The following CHD1L variants were observed in gnomAD, a reference collection of about 807,000 sequenced individuals.
CHD1L encodes the protein ATP-dependent chromatin remodeler CHD1L.
In CHD1L, 118 loss-of-function variants were observed where a neutral mutation model predicts 115.9. That is an observed-to-expected ratio of 1.02 (90% CI 0.88 to 1.19). The LOEUF (loss-of-function observed/expected upper bound fraction) is 1.19, where lower values mean the gene tolerates loss of function less well. Among genes scored for constraint, CHD1L ranks in the 50% most tolerant of loss-of-function variants. The probability of loss-of-function intolerance (pLI) is 0.00; values close to 1 mark genes in which losing one functional copy is unlikely to be tolerated. For synonymous variants in CHD1L, 411 were observed against 387.1 expected, an observed-to-expected ratio of 1.06 and a Z score of -0.72; for missense variants, 1,179 against 1,065.3, an observed-to-expected ratio of 1.11 and a Z score of -1.49.
rs1676544366 is a variant in CHD1L, at chr1:147,272,278, G to A, written c.1267G>A (p.Ala423Thr). 1 of 1,607,924 alleles carries A rather than the reference G, an allele frequency of 6.2e-7. No homozygotes were observed. Among genetic ancestry groups the A allele is most frequent in the African/African-American group, 1.3e-5 (1 of 74,794 alleles). The change falls in exon 12 of 23, where the codon GCA becomes ACA. Residue 423 changes from alanine to threonine, a missense_variant. Coordinates refer to ENST00000369258, the MANE Select transcript of CHD1L (RefSeq NM_004284.6). ...TTTCGTTTTTCTCCTGAGTACTAGG[G>A]CAGGTAGGCTGCAAAGGCATTGATG... ...PIFVFLLSTR[A>T]GGVGMNLTAA...
the CHD1L span, among the ~76,000 whole-genome samples, chr1:147,200,117 C>A: frequency 2.0e-5 from 3 of 152,088 alleles, no homozygotes; most frequent in Admixed American, 1.3e-4. Context: ...CTTAGAATTT[C>A]AGAGGCAGCT....
At chr1:147,233,076 A>G in the CHD1L span, among the ~76,000 whole-genome samples, 3 of 138,548 alleles carry the variant, frequency 2.2e-5, no homozygotes, top group African/African-American at 8.3e-5. Context: ...CCGGCCGCCC[A>G]TCGTCTGAGA....
At chr1:147,236,426 G>A in the CHD1L span, among the ~76,000 whole-genome samples, 1 of 152,208 alleles carries the variant, frequency 6.6e-6, no homozygotes, top group Non-Finnish European at 1.5e-5. Context: ...CTTGTCCTGC[G>A]TCCAAGTAGA....
At chr1:147,254,276 C>A (rs1439762767) in intron 2 of CHD1L, among the ~76,000 whole-genome samples, 2 of 152,120 alleles carry the variant, frequency 1.3e-5, no homozygotes, top group African/African-American at 4.8e-5. Flanking sequence ...ATGTGTCCTC[C>A]AGGAGGGCTG....
chr1:147,228,960 G>T, the CHD1L span, among the ~76,000 whole-genome samples: 2 of 152,096 alleles, frequency 1.3e-5, no homozygotes, highest in Non-Finnish European at 2.9e-5. Flanking sequence ...TCGGTAGGTT[G>T]CCTGTTCACT....
rs943294601 is a variant in CHD1L, at chr1:147,279,886, A to G, written c.1540-140A>G. The G allele has an allele frequency of 7.8e-6, 6 of 764,682 alleles. No individual in the cohort carries two copies. In the East Asian group the frequency reaches 1.3e-4, roughly 17 times the overall value. 47.4% of individuals were successfully genotyped at this position (764,682 alleles called of 1,614,324 possible). ...TAAATGGCCCTGGCTGTTACTATCT[A>G]TGATGGGGAGAGCAGAAAGGCTGCC... On this transcript the variant is annotated intron_variant, in intron 14 of 22. Transcript: ENST00000369258.
At chr1:147,233,036 T>A in the CHD1L span, among the ~76,000 whole-genome samples, 1 of 148,766 alleles carries the variant, frequency 6.7e-6, no homozygotes, top group Admixed American at 6.7e-5. Context: ...CCGGCCGCCA[T>A]CCCATCTAGG....
chr1:147,218,724 T>C, the CHD1L span, among the ~76,000 whole-genome samples: 2 of 152,362 alleles, frequency 1.3e-5, no homozygotes, highest in South Asian at 4.1e-4. Flanking sequence ...GTGTTGTCCT[T>C]ATTTAATCTC....
intron 6 of CHD1L, among the ~76,000 whole-genome samples, chr1:147,261,990 TC>T (rs1553944446): frequency 6.6e-6 from 1 of 151,838 alleles, no homozygotes; most frequent in Non-Finnish European, 1.5e-5. Context: ...GGTCAGGAGA[TC>T]GAGACCATCC....
intron 6 of CHD1L, among the ~76,000 whole-genome samples, chr1:147,264,211 G>A (rs975199759): frequency 2.0e-5 from 3 of 152,090 alleles, no homozygotes; most frequent in African/African-American, 7.2e-5. Context: ...CAGGATTATT[G>A]TCCCCTTCTT....
rs1012928354 is a variant in CHD1L at position 147,271,249 on chromosome 1, T to C, written c.1159+244T>C. The C allele has an allele frequency of 4.0e-5, 15 of 370,602 alleles. No individual in the cohort carries two copies. The East Asian group carries it at 5.8e-4, about 14-fold the overall frequency. The allele number at this position is 370,602 out of a possible 1,614,324, so 23.0% of individuals were successfully genotyped here. On this transcript the variant is annotated intron_variant, in intron 11 of 22. Coordinates refer to ENST00000369258, the MANE Select transcript of CHD1L (RefSeq NM_004284.6). Reference sequence around the variant, plus strand: ...TCCCATCAGTTACATGATTTAAAATTATGGGCCGTGGAGCAAATGTTGTGG... The same window carrying C: ...TCCCATCAGTTACATGATTTAAAATCATGGGCCGTGGAGCAAATGTTGTGG...
the CHD1L span, among the ~76,000 whole-genome samples, chr1:147,233,211 C>A: frequency 0.19 from 28,657 of 149,520 alleles, 3,150 homozygotes; most frequent in South Asian, 0.26. Context: ...AGTGAGGAGA[C>A]CCTCCGCCTG....
intron 14 of CHD1L, among the ~76,000 whole-genome samples, chr1:147,278,505 G>A (rs1679515363): frequency 2.1e-5 from 3 of 142,456 alleles, no homozygotes; most frequent in Non-Finnish European, 4.5e-5. Flanking sequence ...TTACAGGCAT[G>A]AGCCACTGCG....
At chr1:147,233,471 G>T in the CHD1L span, among the ~76,000 whole-genome samples, 14 of 40,542 alleles carry the variant, frequency 3.5e-4, no homozygotes, top group African/African-American at 1.5e-3. Context: ...GGAGGGAGGT[G>T]GGGGGGGTCA....
At chr1:147,222,864 A>G in the CHD1L span, among the ~76,000 whole-genome samples, 3,401 of 152,270 alleles carry the variant, frequency 0.022, 122 homozygotes, top group African/African-American at 0.077. Context: ...ACCTCCTCCC[A>G]TCCTCAATTG....
the CHD1L span, among the ~76,000 whole-genome samples, chr1:147,224,736 G>C: frequency 1.3e-5 from 2 of 151,946 alleles, no homozygotes; most frequent in Admixed American, 6.6e-5. Context: ...GGTCTCGATC[G>C]CCTGACCTCG....
At chr1:147,232,758 C>T in the CHD1L span, among the ~76,000 whole-genome samples, 3 of 152,342 alleles carry the variant, frequency 2.0e-5, no homozygotes, top group East Asian at 5.8e-4. Context: ...GCCTCGGCCT[C>T]TGGAGGTGCC....
the CHD1L span, chr1:147,178,152 G>T: frequency 1.9e-6 from 3 of 1,608,016 alleles, no homozygotes; most frequent in Non-Finnish European, 2.5e-6. Context: ...CGGGCGTGGC[G>T]CTGCTTCTCG....
the CHD1L span, chr1:147,187,017 G>T: frequency 3.1e-6 from 5 of 1,614,184 alleles, no homozygotes. Context: ...GAGGCTTCCT[G>T]ATGCGATCAT....
Sources: allele counts gnomAD v4.1 joint callset (sites outside exome capture counted in the v4.1 genomes callset), GRCh38; gene constraint gnomAD v4.1.1; transcripts MANE v1.5; gene names NCBI Gene and HGNC (gene_info 2026-07-23, HGNC 2026-07-21).